The following AGBL4 variants were observed in gnomAD, a reference collection of about 807,000 sequenced individuals.
The protein encoded by AGBL4 is AGBL carboxypeptidase 4.
Under a neutral mutation model 66.4 loss-of-function variants are expected in AGBL4, and 58 were observed. The observed-to-expected ratio is 0.87, with a 90% CI of 0.71 to 1.09. AGBL4 has a LOEUF of 1.09. Among genes scored for constraint, AGBL4 ranks in the 50% least tolerant of loss-of-function variants. The pLI is 0.00. For synonymous variants in AGBL4, 234 were observed against 222.9 expected, an observed-to-expected ratio of 1.05 and a Z score of -0.44; for missense variants, 579 against 631.0, an observed-to-expected ratio of 0.92 and a Z score of 0.88.
intron 2 of AGBL4, among the ~76,000 whole-genome samples, chr1:49,778,517 G>A (rs1644254960): frequency 6.6e-6 from 1 of 152,152 alleles, no homozygotes; most frequent in Admixed American, 6.5e-5. Context: ...CAAACTTGGT[G>A]GTGAGCAATA....
chr1:48,873,313 A>G (rs1429037243), intron 5 of AGBL4, among the ~76,000 whole-genome samples: 1 of 152,128 alleles, frequency 6.6e-6, no homozygotes, highest in Non-Finnish European at 1.5e-5. Context: ...TCTAATTGGA[A>G]CAACAACCCC....
intron 5 of AGBL4, among the ~76,000 whole-genome samples, chr1:48,943,152 C>CA (rs1335586322): frequency 6.6e-6 from 1 of 152,218 alleles, no homozygotes; most frequent in African/African-American, 2.4e-5. Context: ...TCTGCAGCCG[C>CA]ATGCACCACG....
At chr1:48,916,549 C>T (rs1653602770) in intron 5 of AGBL4, among the ~76,000 whole-genome samples, 1 of 149,476 alleles carries the variant, frequency 6.7e-6, no homozygotes. Context: ...GTGTGTGTGA[C>T]ACACACACAC....
At chr1:48,661,048 C>T (rs1646098915) in intron 7 of AGBL4, among the ~76,000 whole-genome samples, 2 of 152,176 alleles carry the variant, frequency 1.3e-5, no homozygotes, top group African/African-American at 4.8e-5. Context: ...ACAAGAAACC[C>T]CATTTGACAG....
intron 3 of AGBL4, among the ~76,000 whole-genome samples, chr1:49,693,714 G>T (rs1319662755): frequency 6.6e-6 from 1 of 151,658 alleles, no homozygotes; most frequent in African/African-American, 2.4e-5. Flanking sequence ...ACTTCAAAAA[G>T]ATAAAAAAAT....
At chr1:48,765,544 C>A (rs1306758439) in intron 6 of AGBL4, among the ~76,000 whole-genome samples, 1 of 152,128 alleles carries the variant, frequency 6.6e-6, no homozygotes, top group Non-Finnish European at 1.5e-5. Flanking sequence ...TTACTATAAC[C>A]CAGCAATTCC....
At chr1:49,146,674 A>G (rs889815725) in intron 4 of AGBL4, among the ~76,000 whole-genome samples, 2 of 152,226 alleles carry the variant, frequency 1.3e-5, no homozygotes, top group African/African-American at 2.4e-5. Flanking sequence ...CTTGTCATAC[A>G]TGCACCATTG....
chr1:48,611,618 ATT>A (rs1645240303), intron 9 of AGBL4, among the ~76,000 whole-genome samples: 1 of 152,198 alleles, frequency 6.6e-6, no homozygotes, highest in Admixed American at 6.5e-5. Flanking sequence ...ATCTCATTTA[ATT>A]TTCACATAAG....
intron 3 of AGBL4, among the ~76,000 whole-genome samples, chr1:49,559,410 T>C (rs571798004): frequency 7.2e-5 from 11 of 152,266 alleles, no homozygotes; most frequent in South Asian, 2.1e-4. Flanking sequence ...AATTATGTGA[T>C]GGTTAATATT....
At chr1:49,275,679 T>G (rs947365491) in intron 3 of AGBL4, among the ~76,000 whole-genome samples, 1 of 152,174 alleles carries the variant, frequency 6.6e-6, no homozygotes, top group South Asian at 2.1e-4. Context: ...GCCTTGCCCA[T>G]AGTTTTTGAG....
chr1:48,689,203 C>CAA lies in AGBL4; in HGVS notation c.635-25964_635-25963dup, dbSNP rs939955179. Among the ~76,000 whole-genome samples, 340 of 53,252 alleles carry CAA rather than the reference C, an allele frequency of 6.4e-3. 6 individuals carry two copies. The highest frequency in any genetic ancestry group is 0.018 in the African/African-American group (296 of 16,856). 34.9% of individuals were successfully genotyped at this position (53,252 alleles called of 152,430 possible). On this transcript the variant is annotated intron_variant, in intron 6 of 13. Coordinates refer to ENST00000371839, the MANE Select transcript of AGBL4 (RefSeq NM_032785.4). ...TGGGTGACAGAGCGAGACCCGGTCTCAAAAAAAAAAAAAAAAAAAAGAAAA... is the reference window on the plus strand; with the variant it reads ...TGGGTGACAGAGCGAGACCCGGTCTCAAAAAAAAAAAAAAAAAAAAAAGAAAA...
intron 11 of AGBL4, among the ~76,000 whole-genome samples, chr1:48,547,236 C>A (rs1448189515): frequency 1.3e-5 from 2 of 152,076 alleles, no homozygotes; most frequent in African/African-American, 4.8e-5. Flanking sequence ...AAAGTCACTG[C>A]TGCACTAAAA....
At chr1:49,475,086 C>G (rs562906513) in intron 3 of AGBL4, among the ~76,000 whole-genome samples, 2 of 151,966 alleles carry the variant, frequency 1.3e-5, no homozygotes, top group African/African-American at 4.8e-5. Flanking sequence ...TCATAGATGG[C>G]TTTTATTATT....
intron 3 of AGBL4, among the ~76,000 whole-genome samples, chr1:49,450,902 T>C (rs945335894): frequency 2.6e-5 from 4 of 152,050 alleles, no homozygotes; most frequent in African/African-American, 9.7e-5. Flanking sequence ...ACCATAAACT[T>C]AGCAGTTTAA....
chr1:48,578,141 T>A (rs1343044208), intron 11 of AGBL4, among the ~76,000 whole-genome samples: 1 of 152,178 alleles, frequency 6.6e-6, no homozygotes, highest in Non-Finnish European at 1.5e-5. Context: ...CATCATTTCA[T>A]CTTCTATGCT....
At chr1:49,301,361 A>G (rs1644741746) in intron 3 of AGBL4, among the ~76,000 whole-genome samples, 1 of 152,210 alleles carries the variant, frequency 6.6e-6, no homozygotes, top group Non-Finnish European at 1.5e-5. Flanking sequence ...TAACATCACA[A>G]GCTAACTGTC....
chr1:48,828,196 A>G (rs10888625), intron 6 of AGBL4, among the ~76,000 whole-genome samples: 24,709 of 151,392 alleles, frequency 0.16, 2,710 homozygotes, highest in East Asian at 0.42. Flanking sequence ...AAAAAAAAAA[A>G]AAAAGAAAAA....
chr1:49,749,848 T>C (rs2147833679), intron 2 of AGBL4, among the ~76,000 whole-genome samples: 1 of 152,238 alleles, frequency 6.6e-6, no homozygotes, highest in Non-Finnish European at 1.5e-5. Context: ...ACATTGATTA[T>C]CTCATTCTAC....
intron 6 of AGBL4, among the ~76,000 whole-genome samples, chr1:48,800,235 T>C (rs1330479817): frequency 2.0e-5 from 3 of 152,216 alleles, no homozygotes. Flanking sequence ...AGGAGGGTTG[T>C]ATATTTCCAG....
Sources: allele counts gnomAD v4.1 joint callset (sites outside exome capture counted in the v4.1 genomes callset), GRCh38; gene constraint gnomAD v4.1.1; transcripts MANE v1.5; gene names NCBI Gene and HGNC (gene_info 2026-07-23, HGNC 2026-07-21).